FBXL17: variants seen among roughly 807,000 people sequenced by gnomAD.
The protein encoded by FBXL17 is F-box/LRR-repeat protein 17.
A neutral mutation model predicts 66.2 loss-of-function variants in FBXL17; 22 were observed. The ratio of observed to expected loss-of-function variants is 0.33; its 90% CI spans 0.24 to 0.47. FBXL17 has a LOEUF of 0.47. FBXL17 is among the 20% of genes least tolerant of loss of function. FBXL17 has a pLI of 1.00. For missense variants in FBXL17, 878 were observed against 948.2 expected, an observed-to-expected ratio of 0.93 and a Z score of 0.97; for synonymous variants, 474 against 400.5, an observed-to-expected ratio of 1.18 and a Z score of -2.19.
intron 4 of FBXL17, among the ~76,000 whole-genome samples, chr5:108,283,137 A>C (rs978154833): frequency 6.6e-5 from 10 of 151,628 alleles, no homozygotes; most frequent in Non-Finnish European, 1.5e-5. Context: ...TTTTTTACAC[A>C]AGTACAAAAA....
chr5:108,099,387 T>C (rs942328646), intron 6 of FBXL17, among the ~76,000 whole-genome samples: 9 of 152,190 alleles, frequency 5.9e-5, no homozygotes, highest in African/African-American at 2.2e-4. Flanking sequence ...CAAATTAATT[T>C]AATATAAGTT....
chr5:108,044,025 G>A (rs188118063), intron 6 of FBXL17, among the ~76,000 whole-genome samples: 57 of 152,236 alleles, frequency 3.7e-4, no homozygotes, highest in Admixed American at 1.4e-3. Context: ...ATACAATCGA[G>A]TTTTGTATGT....
intron 4 of FBXL17, among the ~76,000 whole-genome samples, chr5:108,240,215 AC>A (rs1269432759): frequency 6.6e-6 from 1 of 152,144 alleles, no homozygotes; most frequent in African/African-American, 2.4e-5. Flanking sequence ...CAGCTTAGGT[AC>A]CAGTTAGGCC....
rs1328287238 is a variant in FBXL17 at position 107,962,247 on chromosome 5, C to T, written c.1822+58678G>A. On this transcript the variant is annotated intron_variant, in intron 7 of 8. Coordinates refer to ENST00000542267, the MANE Select transcript of FBXL17 (RefSeq NM_001163315.3). ...GGTAAACTTTATGTTACGTATACCT[C>T]ACCAGTTAAAAATTATTTAAACCTA... is the stretch of plus-strand genomic sequence containing the variant. 3.3e-5 allele frequency among the ~76,000 whole-genome samples: 5 copies of T among 152,210 alleles called. No individual in the cohort carries two copies. In the East Asian group the frequency reaches 7.7e-4, roughly 24 times the overall value.
intron 6 of FBXL17, among the ~76,000 whole-genome samples, chr5:108,169,267 T>C (rs1712533201): frequency 6.6e-6 from 1 of 152,178 alleles, no homozygotes; most frequent in African/African-American, 2.4e-5. Context: ...AGAAATCTAT[T>C]TAAGGATGTA....
chr5:108,236,539 A>G (rs1755612384), intron 4 of FBXL17, among the ~76,000 whole-genome samples: 1 of 151,868 alleles, frequency 6.6e-6, no homozygotes, highest in Admixed American at 6.6e-5. Flanking sequence ...AACAACAACC[A>G]AAAAAACACA....
chr5:108,322,786 A>G (rs1350018025), intron 4 of FBXL17, among the ~76,000 whole-genome samples: 1 of 151,992 alleles, frequency 6.6e-6, no homozygotes, highest in Non-Finnish European at 1.5e-5. Context: ...AGGCCTGTCT[A>G]TACTGTACAT....
rs938522580 is a variant in FBXL17, at chr5:107,859,545, C to A, written c.*2175G>T. 6.9e-6 allele frequency: 1 copy of A among 144,144 alleles called. No homozygotes were observed. Among genetic ancestry groups the A allele is most frequent in the African/African-American group, 2.6e-5 (1 of 38,818 alleles). The allele number at this position is 144,144 out of a possible 1,614,324, so 8.9% of individuals were successfully genotyped here. On this transcript the variant is annotated 3_prime_UTR_variant, in exon 9 of 9. Transcript: ENST00000542267. ...AACATTTTAGAGAATAAGTGCAAGTCCCCACCCCACCCCCACCCCCCCAAG... is the reference window on the plus strand; with the variant it reads ...AACATTTTAGAGAATAAGTGCAAGTACCCACCCCACCCCCACCCCCCCAAG...
chr5:107,864,465 T>A (rs1748217356), intron 8 of FBXL17, among the ~76,000 whole-genome samples: 1 of 152,164 alleles, frequency 6.6e-6, no homozygotes, highest in Non-Finnish European at 1.5e-5. Flanking sequence ...ATAGTCCAGG[T>A]TTTAAGTAAC....
At chr5:108,077,489 C>T (rs1052633483) in intron 6 of FBXL17, among the ~76,000 whole-genome samples, 1 of 151,624 alleles carries the variant, frequency 6.6e-6, no homozygotes, top group Non-Finnish European at 1.5e-5. Flanking sequence ...CAAATGAAAC[C>T]CCATCTCTAC....
In FBXL17 at chr5:108,348,589, G is replaced by T; in HGVS notation, c.1375-59C>A. On this transcript the variant is annotated intron_variant, in intron 3 of 8. Transcript: ENST00000542267. ...AAATAACAAAGGCAACATATTTCAAGTGAGATTTTCATATAATTTTTTGAA... is the reference window on the plus strand; with the variant it reads ...AAATAACAAAGGCAACATATTTCAATTGAGATTTTCATATAATTTTTTGAA... The T allele has an allele frequency of 1.9e-6, 3 of 1,540,348 alleles. No individual in the cohort carries two copies. In the South Asian group the frequency reaches 3.6e-5, roughly 18 times the overall value.
At chr5:108,328,097 G>T (rs1219634348) in intron 4 of FBXL17, among the ~76,000 whole-genome samples, 1 of 152,206 alleles carries the variant, frequency 6.6e-6, no homozygotes, top group Non-Finnish European at 1.5e-5. Context: ...ACTTGATGAG[G>T]ATAAACACCA....
chr5:108,055,797 T>C (rs114842662), intron 6 of FBXL17, among the ~76,000 whole-genome samples: 2,073 of 151,972 alleles, frequency 0.014, 52 homozygotes, highest in African/African-American at 0.048. Context: ...TTTAAAAAGT[T>C]CCTCCCTTGT....
rs2112555987 is a variant in FBXL17, at chr5:107,917,364, G to C, written c.1823-36185C>G. On this transcript the variant is annotated intron_variant, in intron 7 of 8. Transcript: ENST00000542267. ...GAAATAATATCAAAAGCTTTACAAA[G>C]CTGTGGACTTTTTTTTTAAAGAAGG... Among the ~76,000 whole-genome samples the C allele has an allele frequency of 2.0e-5, 3 of 152,258 alleles. No individual in the cohort carries two copies. The South Asian group carries it at 6.2e-4, about 32-fold the overall frequency.
intron 4 of FBXL17, among the ~76,000 whole-genome samples, chr5:108,315,135 G>GA (rs1372391520): frequency 2.0e-5 from 3 of 150,498 alleles, no homozygotes; most frequent in Admixed American, 6.6e-5. Flanking sequence ...CAAAACTCAG[G>GA]AAAAAACATA....
chr5:107,923,015 G>C (rs958813109), intron 7 of FBXL17, among the ~76,000 whole-genome samples: 8 of 152,190 alleles, frequency 5.3e-5, no homozygotes, highest in African/African-American at 1.9e-4. Flanking sequence ...TGCAGAGAAA[G>C]CTTGTCAGAC....
At chr5:107,899,587 T>C (rs914260128) in intron 7 of FBXL17, among the ~76,000 whole-genome samples, 2 of 152,298 alleles carry the variant, frequency 1.3e-5, no homozygotes, top group African/African-American at 4.8e-5. Flanking sequence ...CAGTGAGTTA[T>C]GATTGCTGCA....
Position 107,989,618 on chromosome 5 carries a change from G to A in FBXL17, c.1822+31307C>T, listed in dbSNP as rs533116924. ...GTAATAGAAGTGCAGCTATCTCTTC[G>A]ATAAACACTGATTTCCTTTCTCTTG... On this transcript the variant is annotated intron_variant, in intron 7 of 8. Transcript: ENST00000542267. Among the ~76,000 whole-genome samples the A allele has an allele frequency of 3.3e-5, 5 of 152,132 alleles. No homozygotes were observed. In the South Asian group the frequency reaches 8.3e-4, roughly 25 times the overall value.
At position 108,222,245 on chromosome 5, in the gene FBXL17, C is replaced by G. The variant is rs1213314716; in HGVS notation, c.1614+1876G>C. Among the ~76,000 whole-genome samples the G allele has an allele frequency of 3.3e-5, 5 of 152,140 alleles. No homozygotes were observed. The East Asian group carries it at 9.6e-4, about 29-fold the overall frequency. Reference sequence around the variant, plus strand: ...ACTGATCTAATAAGTCTTGTTTTGTCTTTAATGAGTACAATTTCAAGTAAT... The same window carrying G: ...ACTGATCTAATAAGTCTTGTTTTGTGTTTAATGAGTACAATTTCAAGTAAT... On this transcript the variant is annotated intron_variant, in intron 5 of 8. Coordinates refer to ENST00000542267, the MANE Select transcript of FBXL17 (RefSeq NM_001163315.3).
Sources: gnomAD v4.1 joint callset for allele counts (sites outside exome capture counted in the v4.1 genomes callset) on GRCh38, gnomAD v4.1.1 for gene constraint, MANE v1.5 for transcripts, NCBI Gene and HGNC (gene_info 2026-07-23, HGNC 2026-07-21) for gene names.